Variants in GALNT13 observed in about 807,000 individuals in gnomAD.
GALNT13 encodes UDP-GalNAc:polypeptide N-acetylgalactosaminyltransferase 13.
In GALNT13, 28 loss-of-function variants were observed where a neutral mutation model predicts 64.2. The ratio of observed to expected loss-of-function variants is 0.44; its 90% CI spans 0.32 to 0.60. The LOEUF (loss-of-function observed/expected upper bound fraction) is 0.60, where lower values mean the gene tolerates loss of function less well. Ranked by LOEUF, GALNT13 falls within the 20% of genes least tolerant of loss-of-function variation. The pLI is 0.05. For missense variants in GALNT13, 577 were observed against 669.8 expected, an observed-to-expected ratio of 0.86 and a Z score of 1.53; for synonymous variants, 214 against 224.6, an observed-to-expected ratio of 0.95 and a Z score of 0.42.
chr2:153,784,832 C>A, the GALNT13 span, among the ~76,000 whole-genome samples: 3 of 152,176 alleles, frequency 2.0e-5, no homozygotes, highest in Non-Finnish European at 4.4e-5. Flanking sequence ...AGGTGGAGCT[C>A]CCAGAGGGAC....
chr2:153,463,264 C>T, the GALNT13 span, among the ~76,000 whole-genome samples: 5 of 152,096 alleles, frequency 3.3e-5, no homozygotes, highest in Admixed American at 6.6e-5. Context: ...TTCCATTAGC[C>T]GACCCACCCC....
the GALNT13 span, among the ~76,000 whole-genome samples, chr2:153,197,155 G>C: frequency 6.6e-6 from 1 of 152,214 alleles, no homozygotes; most frequent in Non-Finnish European, 1.5e-5. Context: ...TGGTTGATGA[G>C]GTGGAGTGAT....
the GALNT13 span, chr2:153,593,241 T>A: frequency 1.3e-5 from 2 of 152,262 alleles, no homozygotes; most frequent in African/African-American, 2.4e-5. Context: ...GGGTACCCAG[T>A]GAGAGTGAGA....
intron 3 of GALNT13, among the ~76,000 whole-genome samples, chr2:154,000,536 C>T (rs910112973): frequency 6.6e-6 from 1 of 151,860 alleles, no homozygotes; most frequent in South Asian, 2.1e-4. Context: ...AGAATTTTTA[C>T]ACTAAAAATA....
At chr2:153,320,109 G>C in the GALNT13 span, among the ~76,000 whole-genome samples, 1 of 152,184 alleles carries the variant, frequency 6.6e-6, no homozygotes, top group Non-Finnish European at 1.5e-5. Context: ...GGGGCACATG[G>C]TATTTTCTTT....
the GALNT13 span, among the ~76,000 whole-genome samples, chr2:153,446,567 C>G: frequency 6.6e-6 from 1 of 152,106 alleles, no homozygotes; most frequent in Non-Finnish European, 1.5e-5. Flanking sequence ...GAACTTCAGG[C>G]GAATCTATCA....
intron 7 of GALNT13, among the ~76,000 whole-genome samples, chr2:154,258,108 C>G (rs938931305): frequency 7.9e-5 from 12 of 152,114 alleles, no homozygotes; most frequent in African/African-American, 2.7e-4. Context: ...CAAAAGTCAT[C>G]ATTGCCATTA....
At chr2:153,156,945 T>G in the GALNT13 span, among the ~76,000 whole-genome samples, 1 of 152,160 alleles carries the variant, frequency 6.6e-6, no homozygotes, top group East Asian at 1.9e-4. Context: ...GACAAACTAT[T>G]CTTAGAGCTC....
the GALNT13 span, among the ~76,000 whole-genome samples, chr2:153,578,914 C>T: frequency 6.6e-6 from 1 of 152,158 alleles, no homozygotes; most frequent in South Asian, 2.1e-4. Context: ...ACCATAAATG[C>T]TGTAAGCACT....
At chr2:153,169,961 AGCTTGGG>A in the GALNT13 span, among the ~76,000 whole-genome samples, 1 of 152,172 alleles carries the variant, frequency 6.6e-6, no homozygotes, top group African/African-American at 2.4e-5. Flanking sequence ...TCCAAAATTA[AGCTTGGG>A]AATATGTTTG....
At chr2:153,728,664 T>A in the GALNT13 span, among the ~76,000 whole-genome samples, 8 of 151,924 alleles carry the variant, frequency 5.3e-5, no homozygotes, top group African/African-American at 1.9e-4. Flanking sequence ...CTGAAGGAGC[T>A]AGAGACACGA....
rs534330838 is a variant in GALNT13 at position 154,105,111 on chromosome 2, T to C, written c.143-35226T>C. ...AGGTTCCTTGCGGATCAGTCTGCCATATTCTTGCTACCCTCCTTTTCTGCA... is the reference window on the plus strand; with the variant it reads ...AGGTTCCTTGCGGATCAGTCTGCCACATTCTTGCTACCCTCCTTTTCTGCA... On this transcript the variant is annotated intron_variant, in intron 3 of 12. Coordinates refer to ENST00000392825, the MANE Select transcript of GALNT13 (RefSeq NM_052917.4). Among the ~76,000 whole-genome samples, 13 of 152,204 alleles carry C rather than the reference T, an allele frequency of 8.5e-5. No individual in the cohort carries two copies. The East Asian group carries it at 2.5e-3, about 30-fold the overall frequency.
At chr2:154,236,944 ATT>A (rs780941244) in intron 4 of GALNT13, among the ~76,000 whole-genome samples, 7 of 152,006 alleles carry the variant, frequency 4.6e-5, no homozygotes, top group Non-Finnish European at 1.0e-4. Flanking sequence ...ATTAAGGCAC[ATT>A]TTAATATGCT....
chr2:153,859,796 A>G, the GALNT13 span, among the ~76,000 whole-genome samples: 1 of 152,154 alleles, frequency 6.6e-6, no homozygotes, highest in Non-Finnish European at 1.5e-5. Flanking sequence ...AGAAGTTATC[A>G]CTTCTATACT....
At chr2:154,005,473 T>A (rs1696182504) in intron 3 of GALNT13, among the ~76,000 whole-genome samples, 2 of 152,172 alleles carry the variant, frequency 1.3e-5, no homozygotes, top group Non-Finnish European at 2.9e-5. Context: ...TGTCTTTGAT[T>A]TATTCTTCAG....
At chr2:153,716,330 A>T in the GALNT13 span, among the ~76,000 whole-genome samples, 1 of 150,880 alleles carries the variant, frequency 6.6e-6, no homozygotes, top group Admixed American at 6.6e-5. Context: ...TTCTTAAAAC[A>T]TTATGTGATT....
intron 3 of GALNT13, among the ~76,000 whole-genome samples, chr2:154,090,474 C>T (rs1405398984): frequency 2.0e-5 from 3 of 152,100 alleles, no homozygotes; most frequent in East Asian, 1.9e-4. Context: ...AAAATATCAG[C>T]ACAAAAGAAA....
the GALNT13 span, among the ~76,000 whole-genome samples, chr2:153,093,106 T>C: frequency 1.7e-4 from 26 of 151,986 alleles, no homozygotes; most frequent in East Asian, 2.9e-3. Context: ...ATCAATAGAA[T>C]TTATCACCTG....
At chr2:154,324,436 A>G (rs1168539523) in intron 9 of GALNT13, among the ~76,000 whole-genome samples, 1 of 152,054 alleles carries the variant, frequency 6.6e-6, no homozygotes, top group Admixed American at 6.6e-5. Context: ...ATGATTTCGT[A>G]TATTTATATT....
Sources: gnomAD v4.1 joint callset for allele counts (sites outside exome capture counted in the v4.1 genomes callset) on GRCh38, gnomAD v4.1.1 for gene constraint, MANE v1.5 for transcripts, NCBI Gene and HGNC (gene_info 2026-07-23, HGNC 2026-07-21) for gene names.